Variants in PTPRD observed in about 807,000 individuals in gnomAD.
PTPRD encodes protein tyrosine phosphatase receptor type D.
A neutral mutation model predicts 214.5 loss-of-function variants in PTPRD; 34 were observed. The ratio of observed to expected loss-of-function variants is 0.16; its 90% CI spans 0.12 to 0.21. The LOEUF is 0.21. Among genes scored for constraint, PTPRD ranks in the 10% least tolerant of loss-of-function variants. The pLI is 1.00. For missense variants in PTPRD, 2,545 were observed against 2,398.7 expected, an observed-to-expected ratio of 1.06 and a Z score of -1.27; for synonymous variants, 1,128 against 845.7, an observed-to-expected ratio of 1.33 and a Z score of -5.79.
At chr9:9,843,328 A>G (rs1002047011) in intron 5 of PTPRD, among the ~76,000 whole-genome samples, 4 of 152,018 alleles carry the variant, frequency 2.6e-5, no homozygotes. Flanking sequence ...CTCAGCTAAC[A>G]AAAAAAGGTG....
At chr9:9,217,396 CA>C (rs2099953029) in intron 9 of PTPRD, among the ~76,000 whole-genome samples, 1 of 152,012 alleles carries the variant, frequency 6.6e-6, no homozygotes, top group Non-Finnish European at 1.5e-5. Context: ...GTTACTTTAC[CA>C]AATCTCTTTT....
chr9:9,894,941 G>C (rs1375782915), intron 5 of PTPRD, among the ~76,000 whole-genome samples: 1 of 151,908 alleles, frequency 6.6e-6, no homozygotes, highest in African/African-American at 2.4e-5. Context: ...AAGAACAAAA[G>C]AGCCAAAAAT....
chr9:9,930,704 A>G (rs2086193908), intron 5 of PTPRD, among the ~76,000 whole-genome samples: 1 of 152,132 alleles, frequency 6.6e-6, no homozygotes, highest in African/African-American at 2.4e-5. Flanking sequence ...CACTTGACAC[A>G]AATATAATAT....
intron 9 of PTPRD, among the ~76,000 whole-genome samples, chr9:9,347,362 A>T (rs1034014192): frequency 6.6e-6 from 1 of 150,910 alleles, no homozygotes; most frequent in Non-Finnish European, 1.5e-5. Context: ...ATGCATACAT[A>T]TAAGTGTTTA....
intron 8 of PTPRD, among the ~76,000 whole-genome samples, chr9:9,426,680 T>TC (rs2081064007): frequency 6.6e-6 from 1 of 152,080 alleles, no homozygotes; most frequent in Non-Finnish European, 1.5e-5. Flanking sequence ...TGACACCTCA[T>TC]CTGGCTGGGT....
chr9:10,350,719 A>G (rs1444416841), intron 2 of PTPRD, among the ~76,000 whole-genome samples: 2 of 152,154 alleles, frequency 1.3e-5, no homozygotes, highest in African/African-American at 2.4e-5. Context: ...CTTCTGCACA[A>G]CCTCTCAAAA....
At chr9:10,416,681 A>G (rs1315702733) in intron 2 of PTPRD, among the ~76,000 whole-genome samples, 1 of 151,922 alleles carries the variant, frequency 6.6e-6, no homozygotes, top group Non-Finnish European at 1.5e-5. Context: ...AGCAGTAAGA[A>G]ATATCACATA....
chr9:8,682,937 G>C (rs1215215784), intron 12 of PTPRD, among the ~76,000 whole-genome samples: 3 of 152,100 alleles, frequency 2.0e-5, no homozygotes, highest in East Asian at 3.8e-4. Flanking sequence ...TTTGTTTCAA[G>C]CATTCAAGAC....
chr9:8,426,065 A>C (rs1038846308), intron 35 of PTPRD, among the ~76,000 whole-genome samples: 12 of 152,190 alleles, frequency 7.9e-5, no homozygotes, highest in African/African-American at 2.9e-4. Flanking sequence ...AGAAGATAAA[A>C]ATCACTTGAG....
chr9:10,542,013 G>C (rs1308317083), intron 2 of PTPRD, among the ~76,000 whole-genome samples: 1 of 152,046 alleles, frequency 6.6e-6, no homozygotes. Context: ...TATAAACATA[G>C]TAATTAATAA....
chr9:8,650,608 C>A (rs1564987197), intron 12 of PTPRD, among the ~76,000 whole-genome samples: 1 of 150,252 alleles, frequency 6.7e-6, no homozygotes, highest in Admixed American at 6.6e-5. Context: ...ATAAAGTTGA[C>A]TTGCCTATAC....
chr9:9,087,475 T>C (rs577870932), intron 10 of PTPRD, among the ~76,000 whole-genome samples: 24 of 152,266 alleles, frequency 1.6e-4, no homozygotes, highest in African/African-American at 5.5e-4. Context: ...GCATTGTCCT[T>C]CCATAAAGAA....
At chr9:9,744,490 A>C (rs1564925277) in intron 6 of PTPRD, among the ~76,000 whole-genome samples, 1 of 152,110 alleles carries the variant, frequency 6.6e-6, no homozygotes, top group African/African-American at 2.4e-5. Context: ...ACCTCAATTT[A>C]GTTCAAATAT....
At chr9:8,901,356 C>A (rs914466947) in intron 11 of PTPRD, among the ~76,000 whole-genome samples, 4 of 152,166 alleles carry the variant, frequency 2.6e-5, no homozygotes, top group Admixed American at 6.5e-5. Context: ...TCAATTATGA[C>A]AGTGAACTAT....
At chr9:9,891,211 T>C (rs1161058987) in intron 5 of PTPRD, among the ~76,000 whole-genome samples, 1 of 152,088 alleles carries the variant, frequency 6.6e-6, no homozygotes, top group Non-Finnish European at 1.5e-5. Context: ...CCCATCCAAC[T>C]CAGATTTAAC....
intron 11 of PTPRD, among the ~76,000 whole-genome samples, chr9:8,911,089 A>G (rs2098743710): frequency 6.6e-6 from 1 of 152,228 alleles, no homozygotes; most frequent in African/African-American, 2.4e-5. Flanking sequence ...CACAGTCAAA[A>G]TGCTGGCAGG....
At chr9:9,169,313 A>G (rs1161576333) in intron 10 of PTPRD, among the ~76,000 whole-genome samples, 1 of 152,150 alleles carries the variant, frequency 6.6e-6, no homozygotes, top group African/African-American at 2.4e-5. Context: ...ATGCCACACT[A>G]AAGTTCCTAT....
At chr9:8,324,495 T>TATCA (rs747754199) in intron 44 of PTPRD, among the ~76,000 whole-genome samples, 5 of 152,216 alleles carry the variant, frequency 3.3e-5, no homozygotes, top group African/African-American at 4.8e-5. Flanking sequence ...TTATCCAATC[T>TATCA]ATCATTGATG....
chr9:9,714,791 T>G (rs941997299), intron 7 of PTPRD, among the ~76,000 whole-genome samples: 2 of 152,134 alleles, frequency 1.3e-5, no homozygotes, highest in African/African-American at 4.8e-5. Flanking sequence ...AAGGCAGCAA[T>G]GTTCCTTCTG....
Sources: gnomAD v4.1 joint callset for allele counts (sites outside exome capture counted in the v4.1 genomes callset) on GRCh38, gnomAD v4.1.1 for gene constraint, MANE v1.5 for transcripts, NCBI Gene and HGNC (gene_info 2026-07-23, HGNC 2026-07-21) for gene names.